RASAL1: variants seen among roughly 807,000 people sequenced by gnomAD.
RASAL1 encodes RAS protein activator like 1, also known as rasGAP-activating-like protein 1.
RASAL1 carries 72 observed loss-of-function variants against 96.6 expected under a neutral mutation model. The ratio of observed to expected loss-of-function variants is 0.75; its 90% confidence interval spans 0.62 to 0.91. RASAL1 has a LOEUF of 0.91. Among genes scored for constraint, RASAL1 ranks in the 40% least tolerant of loss-of-function variants. RASAL1 has a pLI of 0.00. For missense variants in RASAL1, 1,016 were observed against 1,072.5 expected (o/e 0.95, Z 0.74); for synonymous variants, 405 against 430.4 (o/e 0.94, Z 0.73).
At position 113,105,915 on chromosome 12, in the gene RASAL1, C is replaced by T. The variant is rs755745528; in HGVS notation, c.1658-29G>A. 3.8e-6 allele frequency: 6 copies of T among 1,594,164 alleles called. No individual in the cohort carries two copies. In the East Asian group the frequency reaches 9.0e-5, roughly 24 times the overall value. On this transcript the variant is annotated intron_variant, in intron 15 of 20. Transcript: ENST00000548055. ...GGAGATGGGAGAAGAGAGCGGTGGA[C>T]AGTGAGCCCTCCCTAACCAGGCTCA... is the stretch of plus-strand genomic sequence containing the variant.
In RASAL1 at chr12:113,117,168, A is replaced by T. The variant is rs1951119891; in HGVS notation, c.643-7T>A. 2 of 1,579,316 alleles carry T rather than the reference A, an allele frequency of 1.3e-6. No homozygotes were observed. The highest frequency in any genetic ancestry group is 1.7e-6 in the Non-Finnish European group (2 of 1,152,050). On this transcript the variant is annotated splice_region_variant and splice_polypyrimidine_tract_variant and intron_variant, in intron 7 of 20. Transcript: ENST00000548055. ...TCTTTGGAGAGAACTCCACCTTTTGAGAGAGACACACAGACCCTCAGCCGG... is the reference window on the plus strand; with the variant it reads ...TCTTTGGAGAGAACTCCACCTTTTGTGAGAGACACACAGACCCTCAGCCGG...
rs779753593 is a variant in RASAL1 at position 113,114,911 on chromosome 12, A to T, written c.1070T>A (p.Leu357His). Residue 357 changes from leucine (L) to histidine (H), a missense_variant and splice_region_variant, in exon 12 of 21, where the codon CTC becomes CAC. By Grantham distance (99) the Leu-to-His change is moderately conservative. Transcript: ENST00000548055. The part of the protein sequence containing the change: ...ASKSMEQFMK[L>H]VGMPYLHEVL... ...CTCGTGCAGGTAGGGCATGCCCACG[A>T]GCTGGGGGCAGGGGGCACCACACGG... 6.2e-7 allele frequency: 1 copy of T among 1,611,376 alleles called. No individual in the cohort carries two copies. Among genetic ancestry groups the T allele is most frequent in the South Asian group, 1.1e-5 (1 of 91,016 alleles).
chr12:113,113,094 G>A (rs1403645854), intron 12 of RASAL1, among the ~76,000 whole-genome samples: 1 of 152,112 alleles, frequency 6.6e-6, no homozygotes, highest in East Asian at 1.9e-4. Context: ...TCATTGTTTT[G>A]TTTTGTGGAT....
chr12:113,107,699 C>G, intron 14 of RASAL1: 1 of 393,162 alleles, frequency 2.5e-6, no homozygotes, highest in Non-Finnish European at 4.9e-6. Flanking sequence ...TTTTTGGAAT[C>G]TGCACTCCCC....
Position 113,099,738 on chromosome 12 carries a change from G to T in RASAL1, c.*191C>A. 4.1e-6 allele frequency: 3 copies of T among 729,570 alleles called. No homozygotes were observed. The highest frequency in any genetic ancestry group is 2.7e-5 in the East Asian group (1 of 36,948). The allele number at this position is 729,570 out of a possible 1,614,324, so 45.2% of individuals were successfully genotyped here. A position where few individuals can be genotyped will look rare whatever the true frequency, so the allele number is the denominator to read the frequency against. On this transcript the variant is annotated 3_prime_UTR_variant, in exon 21 of 21. Transcript: ENST00000548055. ...GAGGGCAAGTTTCACTCAGTGCAAG[G>T]CTGGCCCCTGCCAAAGGGCTTCCAT...
chr12:113,128,331 A>G (rs925124232), intron 2 of RASAL1, among the ~76,000 whole-genome samples, 153 bp from the exon 3 acceptor site: 3 of 150,542 alleles, frequency 2.0e-5, no homozygotes, highest in African/African-American at 7.4e-5. Context: ...GAACCCAGTT[A>G]GAGGCCCAGA....
At chr12:113,127,536 G>C (rs750863419) in intron 4 of RASAL1, among the ~76,000 whole-genome samples, 1 of 152,106 alleles carries the variant, frequency 6.6e-6, no homozygotes, top group Non-Finnish European at 1.5e-5. Flanking sequence ...TGTAATCCCA[G>C]CTACTCCAGA....
chr12:113,127,441 T>G (rs1210993283), intron 4 of RASAL1, among the ~76,000 whole-genome samples: 1 of 151,936 alleles, frequency 6.6e-6, no homozygotes, highest in Non-Finnish European at 1.5e-5. Flanking sequence ...AGCCCAGGAG[T>G]TTGAGACCAG....
At chr12:113,100,176 C>T (rs1950391621) in intron 20 of RASAL1, 108 bp from the exon 21 acceptor site, 2 of 1,284,828 alleles carry the variant, frequency 1.6e-6, no homozygotes, top group South Asian at 1.7e-5. Flanking sequence ...GCCCTGAGAA[C>T]CCTAAAATCC....
chr12:113,134,318 G>T (rs1951832780), intron 1 of RASAL1, among the ~76,000 whole-genome samples: 1 of 152,152 alleles, frequency 6.6e-6, no homozygotes, highest in Non-Finnish European at 1.5e-5. Context: ...ATAAAATCAG[G>T]CAGGAAAGTC....
At chr12:113,126,054 G>C (rs1951468868) in intron 4 of RASAL1, among the ~76,000 whole-genome samples, 1 of 152,212 alleles carries the variant, frequency 6.6e-6, no homozygotes, top group Non-Finnish European at 1.5e-5. Flanking sequence ...GGAGGCTAAG[G>C]CAGATGGATC....
rs1412145037 is a variant in RASAL1 at position 113,119,251 on chromosome 12, C to G, written c.519G>C (p.Lys173Asn). Residue 173 changes from lysine (K) to asparagine (N), a missense_variant, in exon 7 of 21, where the codon AAG becomes AAC. Physicochemically the swap from Lys to Asn is moderately conservative, Grantham distance 94. Transcript: ENST00000548055. ...CATCCCAGTGCGGGAAGCGAGTCTT[C>G]TTGATGGTCTGAGGGCGAAGGAAGT... Reference protein sequence around the residue: ...GSQSLETSTIKKTRFPHWDEV... With the variant: ...GSQSLETSTINKTRFPHWDEV... 1 of 1,613,212 alleles carries G rather than the reference C, an allele frequency of 6.2e-7. No homozygotes were observed. The highest frequency in any genetic ancestry group is 8.5e-7 in the Non-Finnish European group (1 of 1,179,224).
intron 12 of RASAL1, among the ~76,000 whole-genome samples, chr12:113,113,271 A>C (rs1950942531): frequency 6.6e-6 from 1 of 152,140 alleles, no homozygotes; most frequent in African/African-American, 2.4e-5. Flanking sequence ...GGTCTCTTTT[A>C]ATCCTAACAG....
chr12:113,107,343 C>A, intron 14 of RASAL1, 102 bp from the exon 15 acceptor site: 3 of 1,352,050 alleles, frequency 2.2e-6, no homozygotes, highest in Non-Finnish European at 3.0e-6. Context: ...ACTCATATTG[C>A]CGGGCACAGT....
Position 113,114,908 on chromosome 12 carries a change from A to G in RASAL1, c.1073T>C (p.Val358Ala). 6.2e-7 allele frequency: 1 copy of G among 1,612,550 alleles called. No individual in the cohort carries two copies. Among genetic ancestry groups the G allele is most frequent in the Non-Finnish European group, 8.5e-7 (1 of 1,178,836 alleles). Reference sequence around the variant, plus strand: ...GACCTCGTGCAGGTAGGGCATGCCCACGAGCTGGGGGCAGGGGGCACCACA... The same window carrying G: ...GACCTCGTGCAGGTAGGGCATGCCCGCGAGCTGGGGGCAGGGGGCACCACA... Reference protein sequence around the residue: ...SKSMEQFMKLVGMPYLHEVLK... With the variant: ...SKSMEQFMKLAGMPYLHEVLK... Residue 358 changes from valine (V) to alanine (A), a missense_variant, in exon 12 of 21, where the codon GTG becomes GCG. Transcript: ENST00000548055.
intron 15 of RASAL1, among the ~76,000 whole-genome samples, chr12:113,106,245 G>A (rs1194334088): frequency 6.6e-6 from 1 of 152,050 alleles, no homozygotes; most frequent in Non-Finnish European, 1.5e-5. Flanking sequence ...CCCCACCCCA[G>A]CACCATAGGG....
chr12:113,124,775 G>A (rs1343016400), intron 4 of RASAL1, among the ~76,000 whole-genome samples: 2 of 152,164 alleles, frequency 1.3e-5, no homozygotes, highest in East Asian at 3.8e-4. Flanking sequence ...CATGAAATAG[G>A]ATTATAATGA....
chr12:113,117,243 A>G, intron 7 of RASAL1, 82 bp from the exon 8 acceptor site: 1 of 1,043,002 alleles, frequency 9.6e-7, no homozygotes, highest in Non-Finnish European at 1.4e-6. Context: ...TAGCCCTGGA[A>G]GAACAGACTG....
chr12:113,105,617 C>A, intron 16 of RASAL1, 97 bp downstream of exon 16: 1 of 1,329,640 alleles, frequency 7.5e-7, no homozygotes, highest in South Asian at 1.4e-5. Flanking sequence ...TGGGGCCTTG[C>A]CCCACTGTGG....
Sources: allele counts gnomAD v4.1 joint callset (sites outside exome capture counted in the v4.1 genomes callset), GRCh38; gene constraint gnomAD v4.1.1; transcripts MANE v1.5; gene names NCBI Gene and HGNC (gene_info 2026-07-23, HGNC 2026-07-21).